TRAF2: variants seen among roughly 807,000 people sequenced by gnomAD.
TRAF2 encodes the protein TNF receptor-associated factor 2.
TRAF2 carries 6 observed loss-of-function variants against 55.6 expected under a neutral mutation model. The ratio of observed to expected loss-of-function variants is 0.11; its 90% CI spans 0.06 to 0.21. TRAF2 has a LOEUF of 0.21. Ranked by LOEUF, TRAF2 falls within the 10% of genes least tolerant of loss-of-function variation. The probability of loss-of-function intolerance (pLI) is 1.00; values close to 1 mark genes in which losing one functional copy is unlikely to be tolerated. For missense variants in TRAF2, 561 were observed against 684.5 expected (o/e 0.82, Z 2.01); for synonymous variants, 329 against 276.3 (o/e 1.19, Z -1.89).
chr9:136,902,888 G>A (rs1849854536), intron 4 of TRAF2, among the ~76,000 whole-genome samples: 1 of 152,154 alleles, frequency 6.6e-6, no homozygotes, highest in Non-Finnish European at 1.5e-5. Context: ...GAACTTTATT[G>A]GAAAAGGGGA....
At chr9:136,899,534 G>A in intron 2 of TRAF2, 60 bp from the exon 3 acceptor site, 4 of 1,515,042 alleles carry the variant, frequency 2.6e-6, no homozygotes, top group Non-Finnish European at 3.6e-6. Flanking sequence ...GAAGCAAATG[G>A]TGTTTGTTTT....
intron 1 of TRAF2, among the ~76,000 whole-genome samples, chr9:136,887,511 G>T (rs960945985): frequency 6.6e-6 from 1 of 152,140 alleles, no homozygotes; most frequent in Non-Finnish European, 1.5e-5. Flanking sequence ...GGGCCGACAG[G>T]GGGTGGGGTG....
Position 136,886,532 on chromosome 9 carries a change from C to A in TRAF2, c.-38C>A. 1 of 987,722 alleles carries A rather than the reference C, an allele frequency of 1.0e-6. No individual in the cohort carries two copies. The highest frequency in any genetic ancestry group is 1.2e-6 in the Non-Finnish European group (1 of 831,608). 61.2% of individuals were successfully genotyped at this position (987,722 alleles called of 1,614,324 possible). A position where few individuals can be genotyped will look rare whatever the true frequency, so the allele number is the denominator to read the frequency against. On this transcript the variant is annotated 5_prime_UTR_variant, in exon 1 of 11. Transcript: ENST00000247668. ...CGGGCCCTTAGTTCCGGGCGCGCTG[C>A]GACCGTTGGGTGAGGCGAGCGCGGG...
At chr9:136,884,105 C>T (rs1030756439), upstream of TRAF2, among the ~76,000 whole-genome samples, 56 of 151,792 alleles carry the variant, frequency 3.7e-4, 1 homozygote, top group African/African-American at 1.3e-3. Flanking sequence ...TGAGCCACCG[C>T]GCCCGGCCTT....
At chr9:136,917,038 T>C (rs1850259620) in intron 7 of TRAF2, among the ~76,000 whole-genome samples, 1 of 152,130 alleles carries the variant, frequency 6.6e-6, no homozygotes. Context: ...CAGCAGGCAC[T>C]CGGGCCCCTC....
chr9:136,882,382 G>A (rs1336380549), upstream of TRAF2, among the ~76,000 whole-genome samples: 1 of 152,220 alleles, frequency 6.6e-6, no homozygotes, highest in Non-Finnish European at 1.5e-5. Context: ...GGTCCTCCCT[G>A]GCCAGGCCAG....
chr9:136,904,229 A>T (rs1235166568), intron 4 of TRAF2, among the ~76,000 whole-genome samples: 2 of 151,978 alleles, frequency 1.3e-5, no homozygotes, highest in African/African-American at 4.8e-5. Flanking sequence ...TTAGAAATAG[A>T]GTCTCGCTCT....
intron 10 of TRAF2, among the ~76,000 whole-genome samples, chr9:136,924,779 GCC>G (rs1420332290): frequency 1.3e-5 from 2 of 151,910 alleles, no homozygotes; most frequent in Admixed American, 6.6e-5. Context: ...TTGCTCTGTC[GCC>G]CAGGCTGGAG....
At chr9:136,886,631 AC>A (rs1436631163) in intron 1 of TRAF2, 90 bp downstream of exon 1, 6 of 858,438 alleles carry the variant, frequency 7.0e-6, no homozygotes, top group Non-Finnish European at 6.7e-6. Flanking sequence ...AGGCGCGGGC[AC>A]CTCTCAGGGA....
chr9:136,906,477 GACTT>G (rs951386019), intron 4 of TRAF2, among the ~76,000 whole-genome samples: 2 of 152,062 alleles, frequency 1.3e-5, no homozygotes, highest in African/African-American at 4.8e-5. Context: ...GATCCCATGA[GACTT>G]ACTATCACGA....
chr9:136,908,322 C>T, intron 5 of TRAF2, 91 bp downstream of exon 5: 1 of 1,369,352 alleles, frequency 7.3e-7, no homozygotes. Context: ...TGCGTCGGCC[C>T]CTTTGCACTC....
At chr9:136,910,506 G>A (rs1002855203) in intron 6 of TRAF2, among the ~76,000 whole-genome samples, 2 of 152,208 alleles carry the variant, frequency 1.3e-5, no homozygotes, top group Non-Finnish European at 2.9e-5. Flanking sequence ...TGCTGCAGAT[G>A]ACACCTTTAG....
At chr9:136,902,182 G>C (rs1849836397) in intron 4 of TRAF2, 1 of 152,214 alleles carries the variant, frequency 6.6e-6, no homozygotes, top group Non-Finnish European at 1.5e-5. Flanking sequence ...ACAAACGGCT[G>C]TGGCGCATGG....
intron 1 of TRAF2, among the ~76,000 whole-genome samples, chr9:136,897,166 G>A (rs1474546275): frequency 1.9e-5 from 1 of 53,744 alleles, no homozygotes; most frequent in Non-Finnish European, 3.9e-5. Flanking sequence ...TCTCTGCCCG[G>A]GACGCTGAGG....
intron 4 of TRAF2, among the ~76,000 whole-genome samples, chr9:136,907,538 C>G (rs1216045748): frequency 1.3e-5 from 2 of 152,238 alleles, no homozygotes; most frequent in Non-Finnish European, 2.9e-5. Flanking sequence ...CAGGCCTTTG[C>G]TGGCTTCCTG....
intron 4 of TRAF2, among the ~76,000 whole-genome samples, chr9:136,906,180 C>T (rs1476510536): frequency 1.3e-5 from 2 of 152,144 alleles, no homozygotes; most frequent in African/African-American, 4.8e-5. Context: ...TGCCTGTATT[C>T]CTATAGTCCC....
intron 1 of TRAF2, among the ~76,000 whole-genome samples, chr9:136,893,388 G>C (rs750342901): frequency 6.6e-6 from 1 of 152,206 alleles, no homozygotes; most frequent in African/African-American, 2.4e-5. Context: ...GCTGGCTTTG[G>C]GGGGCAGACA....
intron 1 of TRAF2, among the ~76,000 whole-genome samples, chr9:136,897,621 G>A (rs1402092199): frequency 6.7e-6 from 1 of 148,662 alleles, no homozygotes; most frequent in Non-Finnish European, 1.5e-5. Flanking sequence ...TAGCTAAAGG[G>A]AGTGCACTAG....
intron 4 of TRAF2, among the ~76,000 whole-genome samples, chr9:136,904,280 T>A (rs1849894159): frequency 6.6e-6 from 1 of 152,218 alleles, no homozygotes; most frequent in East Asian, 1.9e-4. Flanking sequence ...CATAGCTCAC[T>A]GCAGCCTCAA....
Sources: allele counts gnomAD v4.1 joint callset (sites outside exome capture counted in the v4.1 genomes callset), GRCh38; gene constraint gnomAD v4.1.1; transcripts MANE v1.5; gene names NCBI Gene and HGNC (gene_info 2026-07-23, HGNC 2026-07-21).